The following ADAMTS3 variants were observed in gnomAD, a reference collection of about 807,000 sequenced individuals.
ADAMTS3 encodes the protein ADAM metallopeptidase with thrombospondin type 1 motif 3, also known as A disintegrin and metalloproteinase with thrombospondin motifs 3.
ADAMTS3 carries 73 observed loss-of-function variants against 129.0 expected under a neutral mutation model. That is an observed-to-expected ratio of 0.57 (90% CI 0.47 to 0.69). ADAMTS3 has a LOEUF of 0.69. Ranked by LOEUF, ADAMTS3 falls within the 30% of genes least tolerant of loss-of-function variation. The pLI is 0.00. For synonymous variants in ADAMTS3, 477 were observed against 510.8 expected (o/e 0.93, Z 0.89); for missense variants, 1,457 against 1,514.5 (o/e 0.96, Z 0.63).
intron 4 of ADAMTS3, among the ~76,000 whole-genome samples, chr4:72,395,135 G>A (rs1285105328): frequency 6.6e-6 from 1 of 152,108 alleles, no homozygotes; most frequent in Non-Finnish European, 1.5e-5. Flanking sequence ...ATGTCGATCA[G>A]GCTGGTCTCA....
Position 72,456,139 on chromosome 4 carries a change from CTATATATATTT to C in ADAMTS3, c.505-41179_505-41169del, listed in dbSNP as rs1718593692. Among the ~76,000 whole-genome samples the C allele has an allele frequency of 1.6e-3, 14 of 8,756 alleles. 7 individuals are homozygous for C. Among genetic ancestry groups the C allele is most frequent in the Non-Finnish European group, 2.2e-3 (12 of 5,334 alleles). 5.7% of individuals were successfully genotyped at this position (8,756 alleles called of 152,430 possible). A position where few individuals can be genotyped will look rare whatever the true frequency, so the allele number is the denominator to read the frequency against. Reference sequence around the variant, plus strand: ...ATATATTTTATATATAGTATATATACTATATATATTTTATATATATTTTATATATAGTATAT... The same window carrying C: ...ATATATTTTATATATAGTATATATACTATATATATTTTATATATAGTATAT... On this transcript the variant is annotated intron_variant, in intron 3 of 21. Transcript: ENST00000286657.
At chr4:72,400,979 G>A (rs1272343127) in intron 4 of ADAMTS3, among the ~76,000 whole-genome samples, 1 of 148,064 alleles carries the variant, frequency 6.8e-6, no homozygotes, top group Admixed American at 6.7e-5. Flanking sequence ...ACACACTATG[G>A]TGCAAATCCT....
intron 4 of ADAMTS3, among the ~76,000 whole-genome samples, chr4:72,369,633 C>A (rs1240448814): frequency 6.6e-6 from 1 of 151,834 alleles, no homozygotes; most frequent in African/African-American, 2.4e-5. Flanking sequence ...ATTGTTCGAT[C>A]CTGGTAGGCG....
At chr4:72,399,731 TAC>T (rs1491051080) in intron 4 of ADAMTS3, among the ~76,000 whole-genome samples, 5 of 150,632 alleles carry the variant, frequency 3.3e-5, no homozygotes, top group Admixed American at 3.3e-4. Context: ...TGTGTGTATA[TAC>T]ACACACGGTG....
At chr4:72,522,297 C>T (rs971717136) in intron 3 of ADAMTS3, among the ~76,000 whole-genome samples, 8 of 152,264 alleles carry the variant, frequency 5.3e-5, no homozygotes, top group African/African-American at 1.9e-4. Flanking sequence ...ATCTTTTTAG[C>T]ACCTGGTCAA....
intron 3 of ADAMTS3, among the ~76,000 whole-genome samples, chr4:72,548,034 A>C (rs788909): frequency 1 from 152,190 of 152,316 alleles, 76,032 homozygotes; most frequent in Non-Finnish European, 1. Flanking sequence ...CCCACATTAG[A>C]ATTCTGTGAG....
In ADAMTS3 at chr4:72,516,377, T is replaced by G. The variant is rs191097436; in HGVS notation, c.504+32101A>C. ...GTTTTTTCCAATTCTGTGAAGAAAG[T>G]CATTGGTAACTTGATGGGGATGGCA... On this transcript the variant is annotated intron_variant, in intron 3 of 21. Transcript: ENST00000286657. Among the ~76,000 whole-genome samples the G allele has an allele frequency of 3.7e-3, 569 of 152,252 alleles. 3 individuals carry two copies. Among genetic ancestry groups the G allele is most frequent in the African/African-American group, 0.012 (519 of 41,544 alleles).
At chr4:72,497,512 T>G (rs1719900213) in intron 3 of ADAMTS3, among the ~76,000 whole-genome samples, 2 of 151,496 alleles carry the variant, frequency 1.3e-5, no homozygotes, top group African/African-American at 4.8e-5. Flanking sequence ...TTAGTACATA[T>G]TATGTTAAAT....
chr4:72,362,971 C>T (rs1275034087), intron 4 of ADAMTS3, among the ~76,000 whole-genome samples: 6 of 151,674 alleles, frequency 4.0e-5, no homozygotes. Context: ...AGTCTGCCAG[C>T]CTCAAAAATA....
intron 3 of ADAMTS3, among the ~76,000 whole-genome samples, chr4:72,511,897 G>A (rs920421555): frequency 6.6e-6 from 1 of 152,138 alleles, no homozygotes; most frequent in Non-Finnish European, 1.5e-5. Context: ...TAAAGAAAAT[G>A]TGGTACATAC....
rs542551912 is a variant in ADAMTS3 at position 72,568,450 on chromosome 4, G to A, written c.69+244C>T. On this transcript the variant is annotated intron_variant, in intron 1 of 21. Transcript: ENST00000286657. ...ATTGTTACGAATGTCGCAGACTGGT[G>A]AAGCCCTAGGTGTGACAAGACTGGG... 2.6e-5 allele frequency among the ~76,000 whole-genome samples: 4 copies of A among 152,214 alleles called. No individual in the cohort carries two copies. The East Asian group carries it at 7.8e-4, about 30-fold the overall frequency.
intron 3 of ADAMTS3, among the ~76,000 whole-genome samples, chr4:72,440,194 T>C (rs2109959237): frequency 6.6e-6 from 1 of 151,966 alleles, no homozygotes; most frequent in South Asian, 2.1e-4. Context: ...AAATGAAAGA[T>C]GAGTTTCATA....
At chr4:72,445,655 A>G (rs1208533058) in intron 3 of ADAMTS3, among the ~76,000 whole-genome samples, 1 of 151,760 alleles carries the variant, frequency 6.6e-6, no homozygotes, top group Non-Finnish European at 1.5e-5. Context: ...ATATGTACAT[A>G]GGGTGGAGGA....
At chr4:72,359,818 C>G (rs1720674174) in intron 4 of ADAMTS3, among the ~76,000 whole-genome samples, 1 of 152,010 alleles carries the variant, frequency 6.6e-6, no homozygotes, top group Non-Finnish European at 1.5e-5. Flanking sequence ...ACTGAGTTAA[C>G]AGCATGGTTT....
chr4:72,499,102 T>G (rs922283701), intron 3 of ADAMTS3, among the ~76,000 whole-genome samples: 1 of 152,102 alleles, frequency 6.6e-6, no homozygotes, highest in Non-Finnish European at 1.5e-5. Flanking sequence ...AAGCACCCCA[T>G]GTGAGACTCA....
intron 3 of ADAMTS3, among the ~76,000 whole-genome samples, chr4:72,416,318 C>T (rs951593672): frequency 1.3e-5 from 2 of 151,806 alleles, no homozygotes; most frequent in Non-Finnish European, 2.9e-5. Flanking sequence ...TATAGTATTT[C>T]CCTTCTTTCC....
At chr4:72,480,445 A>T (rs1414476914) in intron 3 of ADAMTS3, among the ~76,000 whole-genome samples, 1 of 152,152 alleles carries the variant, frequency 6.6e-6, no homozygotes, top group African/African-American at 2.4e-5. Flanking sequence ...TATCGCAAGG[A>T]CAAAAAACCA....
intron 3 of ADAMTS3, among the ~76,000 whole-genome samples, chr4:72,454,594 A>T (rs1309360289): frequency 6.6e-6 from 1 of 151,690 alleles, no homozygotes; most frequent in African/African-American, 2.4e-5. Flanking sequence ...TAATATTATT[A>T]TTGTTGTTCT....
chr4:72,400,172 T>C (rs1375869242), intron 4 of ADAMTS3, among the ~76,000 whole-genome samples: 4 of 143,762 alleles, frequency 2.8e-5, no homozygotes, highest in African/African-American at 7.7e-5. Flanking sequence ...TGTGTATATA[T>C]GCACACATGG....
Sources: allele counts gnomAD v4.1 joint callset (sites outside exome capture counted in the v4.1 genomes callset), GRCh38; gene constraint gnomAD v4.1.1; transcripts MANE v1.5; gene names NCBI Gene and HGNC (gene_info 2026-07-23, HGNC 2026-07-21).